NREP: variants seen among roughly 807,000 people sequenced by gnomAD.
NREP encodes neuronal regeneration related protein, also known as neuronal regeneration-related protein.
A neutral mutation model predicts 8.6 loss-of-function variants in NREP; 5 were observed. The observed-to-expected ratio is 0.58, with a 90% confidence interval of 0.30 to 1.22. NREP has a LOEUF of 1.22. Ranked by LOEUF, NREP falls within the 50% of genes most tolerant of loss-of-function variation. The probability of loss-of-function intolerance (pLI) is 0.07; values close to 1 mark genes in which losing one functional copy is unlikely to be tolerated. For synonymous variants in NREP, 27 were observed against 28.0 expected, an observed-to-expected ratio of 0.96 and a Z score of 0.11; for missense variants, 86 against 82.5, an observed-to-expected ratio of 1.04 and a Z score of -0.17.
chr5:111,919,950 C>T (rs533188578), intron 2 of NREP, among the ~76,000 whole-genome samples: 1 of 136,892 alleles, frequency 7.3e-6, no homozygotes, highest in South Asian at 2.3e-4. Context: ...AGTAAAAGAA[C>T]TGAATTAATT....
intron 2 of NREP, among the ~76,000 whole-genome samples, chr5:111,745,679 T>A (rs1197628380): frequency 7.2e-5 from 11 of 152,162 alleles, no homozygotes; most frequent in African/African-American, 2.7e-4. Context: ...ACAAACTGCT[T>A]AGTTAAAAAA....
chr5:111,913,755 C>G (rs1429538053), intron 2 of NREP, among the ~76,000 whole-genome samples: 1 of 152,024 alleles, frequency 6.6e-6, no homozygotes, highest in Non-Finnish European at 1.5e-5. Context: ...TCTACCTTCT[C>G]CCCGTCTCTG....
intron 2 of NREP, among the ~76,000 whole-genome samples, chr5:111,823,652 T>G (rs1015110852): frequency 2.6e-5 from 4 of 152,138 alleles, no homozygotes; most frequent in Admixed American, 6.6e-5. Context: ...ATGAAGAATG[T>G]CTGAGCTGAG....
chr5:111,821,175 G>T (rs868296295), intron 2 of NREP, among the ~76,000 whole-genome samples: 1 of 152,154 alleles, frequency 6.6e-6, no homozygotes, highest in Non-Finnish European at 1.5e-5. Context: ...ACAGCACTCC[G>T]CTGGTACCTC....
At chr5:111,780,056 A>G (rs770080744) in intron 2 of NREP, among the ~76,000 whole-genome samples, 29 of 152,188 alleles carry the variant, frequency 1.9e-4, no homozygotes, top group Non-Finnish European at 3.5e-4. Flanking sequence ...AGAGGGGGAA[A>G]TTGTCATTTT....
At chr5:111,846,248 C>T in intron 2 of NREP, 1 of 181,982 alleles carries the variant, frequency 5.5e-6, no homozygotes, top group Non-Finnish European at 1.1e-5. Context: ...AGAAGGGAGA[C>T]AAGAATCACT....
intron 2 of NREP, among the ~76,000 whole-genome samples, chr5:111,890,657 C>T (rs1754371644): frequency 6.6e-6 from 1 of 152,236 alleles, no homozygotes; most frequent in African/African-American, 2.4e-5. Context: ...CTTAACACTA[C>T]ATGGAAGCTG....
rs2112921204 is a variant in NREP at position 111,817,910 on chromosome 5, C to G, written c.136-82403G>C. 1.3e-5 allele frequency among the ~76,000 whole-genome samples: 2 copies of G among 151,614 alleles called. 1 individual carries two copies. Among genetic ancestry groups the G allele is most frequent in the South Asian group, 4.2e-4 (2 of 4,760 alleles). On this transcript the variant is annotated intron_variant, in intron 2 of 3. Coordinates refer to the NREP transcript ENST00000395634. The stretch of plus-strand genomic sequence containing the variant: ...ATATTTCACATGTGTAAGAATTGAC[C>G]CTGAGTTTATCAGTTCAACACATAA...
At chr5:111,906,774 T>G (rs148270253) in intron 2 of NREP, among the ~76,000 whole-genome samples, 1 of 152,126 alleles carries the variant, frequency 6.6e-6, no homozygotes. Flanking sequence ...ATATGGTTTT[T>G]AGCATCTTTC....
At chr5:111,893,786 A>G (rs1051900485) in intron 2 of NREP, among the ~76,000 whole-genome samples, 4 of 151,852 alleles carry the variant, frequency 2.6e-5, no homozygotes, top group Admixed American at 1.3e-4. Flanking sequence ...AAACCTGAGC[A>G]TTCATAATTC....
At chr5:111,944,026 GTTTAA>G (rs1755907750) in intron 2 of NREP, among the ~76,000 whole-genome samples, 1 of 151,930 alleles carries the variant, frequency 6.6e-6, no homozygotes, top group African/African-American at 2.4e-5. Context: ...TTGTACCCTA[GTTTAA>G]TTTGTTTATG....
chr5:111,893,243 A>C (rs1166030089), intron 2 of NREP, among the ~76,000 whole-genome samples: 2 of 152,234 alleles, frequency 1.3e-5, no homozygotes, highest in Admixed American at 1.3e-4. Context: ...CCATACAAAC[A>C]GTTCAGAACT....
chr5:111,931,755 G>A (rs546716599), intron 2 of NREP, among the ~76,000 whole-genome samples: 8 of 152,240 alleles, frequency 5.3e-5, no homozygotes, highest in Admixed American at 5.2e-4. Flanking sequence ...CTAAAAGATT[G>A]CATCCTAAAA....
chr5:111,787,704 G>A (rs1304628280), intron 2 of NREP, among the ~76,000 whole-genome samples: 1 of 151,670 alleles, frequency 6.6e-6, no homozygotes, highest in African/African-American at 2.4e-5. Flanking sequence ...AAATATTTTT[G>A]AGGATGTTCT....
chr5:111,899,902 A>G (rs1416766095), intron 2 of NREP, among the ~76,000 whole-genome samples: 3 of 152,198 alleles, frequency 2.0e-5, no homozygotes, highest in African/African-American at 7.2e-5. Context: ...TATTGGACAG[A>G]TCATCTATTC....
chr5:111,832,189 G>T (rs988600852), intron 2 of NREP, among the ~76,000 whole-genome samples: 1 of 152,084 alleles, frequency 6.6e-6, no homozygotes, highest in Non-Finnish European at 1.5e-5. Context: ...AGTAGGTACA[G>T]AGGAAAAAAG....
At chr5:111,946,704 C>T (rs1212757760) in intron 2 of NREP, among the ~76,000 whole-genome samples, 8 of 151,948 alleles carry the variant, frequency 5.3e-5, no homozygotes, top group Non-Finnish European at 1.2e-4. Context: ...CTTTACTTTT[C>T]TTTCCCAACA....
chr5:111,929,416 C>G (rs78735177), intron 2 of NREP, among the ~76,000 whole-genome samples: 2 of 152,176 alleles, frequency 1.3e-5, no homozygotes, highest in Non-Finnish European at 2.9e-5. Context: ...TGGTAGGAAG[C>G]CTAAGGGCCT....
intron 2 of NREP, among the ~76,000 whole-genome samples, chr5:111,953,609 A>G (rs1167148618): frequency 6.6e-6 from 1 of 152,146 alleles, no homozygotes; most frequent in African/African-American, 2.4e-5. Context: ...TTAAAAAGAC[A>G]TGGTCCCTGC....
Sources: gnomAD v4.1 joint callset for allele counts (sites outside exome capture counted in the v4.1 genomes callset) on GRCh38, gnomAD v4.1.1 for gene constraint, MANE v1.5 for transcripts, NCBI Gene and HGNC (gene_info 2026-07-23, HGNC 2026-07-21) for gene names.